ERP27: variants seen among roughly 807,000 people sequenced by gnomAD.
The protein encoded by ERP27 is endoplasmic reticulum resident protein 27.
In ERP27, 23 loss-of-function variants were observed where a neutral mutation model predicts 27.7. The observed-to-expected ratio is 0.83, with a 90% CI of 0.60 to 1.18. ERP27 has a LOEUF of 1.18. Among genes scored for constraint, ERP27 ranks in the 50% most tolerant of loss-of-function variants. The pLI is 0.00. For synonymous variants in ERP27, 159 were observed against 118.3 expected (o/e 1.34, Z -2.23); for missense variants, 363 against 327.9 (o/e 1.11, Z -0.83).
intron 4 of ERP27, among the ~76,000 whole-genome samples, chr12:14,919,792 G>A (rs904729328): frequency 6.6e-6 from 1 of 152,202 alleles, no homozygotes; most frequent in African/African-American, 2.4e-5. Flanking sequence ...ACTGTAAAAT[G>A]GAAGTTGGCA....
At chr12:14,916,583 T>C (rs753887578) in intron 5 of ERP27, among the ~76,000 whole-genome samples, 99 of 152,362 alleles carry the variant, frequency 6.5e-4, no homozygotes, top group Admixed American at 4.6e-4. Flanking sequence ...GATTGTCTAC[T>C]TTCAGTAACA....
chr12:14,920,922 T>C lies in ERP27; in HGVS notation c.450+10A>G, dbSNP rs12580037. On this transcript the variant is annotated intron_variant, in intron 4 of 6. Transcript: ENST00000266397. ...GTCTGAAGGGACTAAGAACAGGAAGTATTGTTTACCACAGGGTTGTACTCT... is the reference window on the plus strand; with the variant it reads ...GTCTGAAGGGACTAAGAACAGGAAGCATTGTTTACCACAGGGTTGTACTCT... 368 of 1,607,380 alleles carry C rather than the reference T, an allele frequency of 2.3e-4. 2 individuals are homozygous for C. In the East Asian group the frequency reaches 6.0e-3, roughly 26 times the overall value.
intron 3 of ERP27, among the ~76,000 whole-genome samples, chr12:14,932,101 C>T (rs1054626631): frequency 7.2e-5 from 11 of 152,128 alleles, no homozygotes; most frequent in Non-Finnish European, 1.3e-4. Flanking sequence ...CCCAAGCACC[C>T]TCCGAGTGCC....
intron 2 of ERP27, among the ~76,000 whole-genome samples, chr12:14,936,202 G>T (rs1013383248): frequency 7.2e-5 from 11 of 152,118 alleles, no homozygotes; most frequent in Non-Finnish European, 2.9e-5. Flanking sequence ...AAGAAAAAAA[G>T]AAGAAAAATA....
At position 14,917,121 on chromosome 12, in the gene ERP27, C is replaced by A; in HGVS notation, c.576+57G>T. ...ATCTCTGCTTCCTAGCCCCATCTCC[C>A]TTTTCCTAGTGTCCTGGAGGTGTGT... On this transcript the variant is annotated intron_variant, in intron 5 of 6. Transcript: ENST00000266397. The A allele has an allele frequency of 4.4e-6, 7 of 1,600,130 alleles. No homozygotes were observed. The South Asian group carries it at 6.7e-5, about 15-fold the overall frequency.
chr12:14,924,253 C>T (rs1863562475), intron 3 of ERP27, among the ~76,000 whole-genome samples: 1 of 152,152 alleles, frequency 6.6e-6, no homozygotes, highest in Non-Finnish European at 1.5e-5. Flanking sequence ...ATATGTACTG[C>T]AATTTCTTTC....
chr12:14,924,210 C>T (rs11832338), intron 3 of ERP27, among the ~76,000 whole-genome samples: 6,353 of 152,248 alleles, frequency 0.042, 424 homozygotes, highest in African/African-American at 0.14. Context: ...CAGAACTTCA[C>T]TCTTTTTTAT....
intron 5 of ERP27, 56 bp downstream of exon 5, chr12:14,917,122 T>C (rs1565448447): frequency 8.8e-6 from 14 of 1,597,720 alleles, no homozygotes; most frequent in African/African-American, 1.3e-5. Flanking sequence ...CCCATCTCCC[T>C]TTTCCTAGTG....
At chr12:14,915,424 T>A in intron 6 of ERP27, 65 bp downstream of exon 6, 2 of 1,553,622 alleles carry the variant, frequency 1.3e-6, no homozygotes, top group Non-Finnish European at 1.8e-6. Context: ...AGAATTCTTA[T>A]TCAACTGGAA....
intron 3 of ERP27, among the ~76,000 whole-genome samples, chr12:14,933,282 T>C (rs1433851421): frequency 6.6e-6 from 1 of 152,026 alleles, no homozygotes; most frequent in African/African-American, 2.4e-5. Context: ...GAAGAGAAGG[T>C]CTCAAAGAGA....
At chr12:14,931,735 G>A (rs1013582917) in intron 3 of ERP27, among the ~76,000 whole-genome samples, 47 of 152,212 alleles carry the variant, frequency 3.1e-4, no homozygotes, top group South Asian at 2.3e-3. Flanking sequence ...CTGTAGAGAT[G>A]TTGGAAGCAA....
Position 14,914,824 on chromosome 12 carries a change from A to G in ERP27, c.775-42T>C, listed in dbSNP as rs143540696. ...CAATGATATTTAGATTAGTAAACTGAGCTGTTTACTCCTGGAAGTCCTAAA... is the reference window on the plus strand; with the variant it reads ...CAATGATATTTAGATTAGTAAACTGGGCTGTTTACTCCTGGAAGTCCTAAA... On this transcript the variant is annotated intron_variant, in intron 6 of 6. Transcript: ENST00000266397. 2.4e-3 allele frequency: 3,442 copies of G among 1,462,884 alleles called. 5 individuals carry two copies. Among genetic ancestry groups the G allele is most frequent in the Non-Finnish European group, 3.1e-3 (3,267 of 1,046,900 alleles). 90.6% of individuals were successfully genotyped at this position (1,462,884 alleles called of 1,614,324 possible). A position where few individuals can be genotyped will look rare whatever the true frequency, so the allele number is the denominator to read the frequency against.
intron 3 of ERP27, among the ~76,000 whole-genome samples, chr12:14,924,997 C>G (rs904718436): frequency 3.3e-5 from 5 of 152,148 alleles, no homozygotes; most frequent in African/African-American, 1.2e-4. Context: ...CCTATATGGT[C>G]TGAAAAGGTG....
At chr12:14,927,333 A>G (rs916462497) in intron 3 of ERP27, among the ~76,000 whole-genome samples, 10 of 151,076 alleles carry the variant, frequency 6.6e-5, no homozygotes, top group African/African-American at 4.9e-5. Context: ...GCGTGTGTGC[A>G]TGTGTGTGTG....
intron 3 of ERP27, among the ~76,000 whole-genome samples, chr12:14,924,455 A>T (rs1863565721): frequency 6.6e-6 from 1 of 152,184 alleles, no homozygotes; most frequent in African/African-American, 2.4e-5. Context: ...GAATGTTCAT[A>T]CTGTTTTCCA....
intron 6 of ERP27, among the ~76,000 whole-genome samples, chr12:14,915,187 G>C (rs56033063): frequency 2.6e-5 from 4 of 152,086 alleles, no homozygotes; most frequent in African/African-American, 9.7e-5. Context: ...TATACAGCTT[G>C]TAATGATCAA....
intron 3 of ERP27, chr12:14,929,010 C>A (rs1162069726): frequency 6.5e-7 from 1 of 1,535,254 alleles, no homozygotes; most frequent in South Asian, 1.2e-5. Flanking sequence ...CCAAAATCAT[C>A]ATCATTATCA....
intron 2 of ERP27, among the ~76,000 whole-genome samples, chr12:14,936,019 G>A (rs1213801111): frequency 1.3e-5 from 2 of 152,108 alleles, no homozygotes; most frequent in Non-Finnish European, 2.9e-5. Flanking sequence ...ACTGTGCCCG[G>A]CCAAGATGTA....
Position 14,914,598 on chromosome 12 carries a change from G to A in ERP27, c.*137C>T, listed in dbSNP as rs1432818303. On this transcript the variant is annotated 3_prime_UTR_variant, in exon 7 of 7. Coordinates refer to ENST00000266397, the MANE Select transcript of ERP27 (RefSeq NM_152321.4). ...TGTGTGCGTGTGTGTGTGCACGCGT[G>A]CGTGCGTGTGTGCACGTGCGTGTGT... 1 of 647,738 alleles carries A rather than the reference G, an allele frequency of 1.5e-6. No homozygotes were observed. Among genetic ancestry groups the A allele is most frequent in the East Asian group, 2.7e-5 (1 of 37,544 alleles). The allele number at this position is 647,738 out of a possible 1,614,324, so 40.1% of individuals were successfully genotyped here.
Sources: allele counts gnomAD v4.1 joint callset (sites outside exome capture counted in the v4.1 genomes callset), GRCh38; gene constraint gnomAD v4.1.1; transcripts MANE v1.5; gene names NCBI Gene and HGNC (gene_info 2026-07-23, HGNC 2026-07-21).